DNAJC6: variants seen among roughly 807,000 people sequenced by gnomAD.
The protein encoded by DNAJC6 is DnaJ heat shock protein family (Hsp40) member C6.
In DNAJC6, 34 loss-of-function variants were observed where a neutral mutation model predicts 110.0. That is an observed-to-expected ratio of 0.31 (90% CI 0.24 to 0.41). DNAJC6 has a LOEUF of 0.41. Among genes scored for constraint, DNAJC6 ranks in the 10% least tolerant of loss-of-function variants. The probability of loss-of-function intolerance (pLI) is 1.00; values close to 1 mark genes in which losing one functional copy is unlikely to be tolerated. For synonymous variants in DNAJC6, 406 were observed against 437.2 expected, an observed-to-expected ratio of 0.93 and a Z score of 0.89; for missense variants, 1,031 against 1,207.8, an observed-to-expected ratio of 0.85 and a Z score of 2.17.
At chr1:65,317,301 A>G (rs1045155872) in intron 1 of DNAJC6, among the ~76,000 whole-genome samples, 1 of 152,192 alleles carries the variant, frequency 6.6e-6, no homozygotes, top group African/African-American at 2.4e-5. Context: ...TATTCCTGAA[A>G]TTTACTTGGA....
intron 4 of DNAJC6, among the ~76,000 whole-genome samples, chr1:65,371,401 A>G (rs1045373101): frequency 6.6e-6 from 1 of 152,004 alleles, no homozygotes; most frequent in Non-Finnish European, 1.5e-5. Flanking sequence ...AATTTTTTTT[A>G]TAGGTTTGTT....
chr1:65,404,770 G>A (rs908854906), intron 15 of DNAJC6, among the ~76,000 whole-genome samples: 1 of 152,190 alleles, frequency 6.6e-6, no homozygotes, highest in African/African-American at 2.4e-5. Flanking sequence ...ATTACTGAGT[G>A]CAGTAAATGA....
chr1:65,297,922 C>T (rs146959671), intron 1 of DNAJC6, among the ~76,000 whole-genome samples: 3 of 152,132 alleles, frequency 2.0e-5, no homozygotes, highest in Non-Finnish European at 2.9e-5. Flanking sequence ...TTCTGCAGTG[C>T]CTCCCAGGAA....
intron 4 of DNAJC6, among the ~76,000 whole-genome samples, chr1:65,367,322 A>C (rs1645656406): frequency 6.6e-6 from 1 of 152,168 alleles, no homozygotes; most frequent in African/African-American, 2.4e-5. Flanking sequence ...CGCCATTCTG[A>C]AGTGGTTTGA....
At chr1:65,391,870 C>G (rs998707147) in intron 11 of DNAJC6, among the ~76,000 whole-genome samples, 1 of 152,122 alleles carries the variant, frequency 6.6e-6, no homozygotes, top group South Asian at 2.1e-4. Context: ...CTCTACCTCC[C>G]GGGTTCAAGC....
intron 1 of DNAJC6, among the ~76,000 whole-genome samples, chr1:65,296,007 A>AAG (rs1644925614): frequency 6.6e-6 from 1 of 152,242 alleles, no homozygotes; most frequent in Non-Finnish European, 1.5e-5. Context: ...AGCTTAAGAC[A>AAG]TAGTTACCAC....
chr1:65,302,200 C>A (rs1644991401), intron 1 of DNAJC6, among the ~76,000 whole-genome samples: 1 of 77,398 alleles, frequency 1.3e-5, no homozygotes, highest in African/African-American at 5.2e-5. Context: ...TTAATATATA[C>A]ATTAATATAT....
At chr1:65,325,231 C>A (rs756372027) in intron 1 of DNAJC6, among the ~76,000 whole-genome samples, 17 of 152,188 alleles carry the variant, frequency 1.1e-4, no homozygotes, top group Non-Finnish European at 2.1e-4. Context: ...AGCATCTATT[C>A]ATTCAGCAAA....
At chr1:65,381,046 G>A (rs1645817038) in intron 5 of DNAJC6, among the ~76,000 whole-genome samples, 1 of 149,784 alleles carries the variant, frequency 6.7e-6, no homozygotes, top group Non-Finnish European at 1.5e-5. Flanking sequence ...AGCCTCCCGA[G>A]TAGCTGGGAC....
intron 14 of DNAJC6, among the ~76,000 whole-genome samples, chr1:65,399,861 A>G (rs902300884): frequency 6.6e-6 from 1 of 152,164 alleles, no homozygotes. Flanking sequence ...AACATGTGAC[A>G]GGATTTCCTT....
intron 4 of DNAJC6, among the ~76,000 whole-genome samples, chr1:65,366,698 T>C (rs542096770): frequency 6.6e-6 from 1 of 152,304 alleles, no homozygotes; most frequent in South Asian, 2.1e-4. Flanking sequence ...CACCTTGGCT[T>C]AGGTTTGAAT....
At chr1:65,350,822 T>C (rs1645483339) in intron 1 of DNAJC6, among the ~76,000 whole-genome samples, 1 of 152,204 alleles carries the variant, frequency 6.6e-6, no homozygotes, top group South Asian at 2.1e-4. Context: ...CTTTCCATTT[T>C]GGCTATGCTA....
At chr1:65,372,187 GTC>G (rs1243518461) in intron 4 of DNAJC6, among the ~76,000 whole-genome samples, 17 of 141,684 alleles carry the variant, frequency 1.2e-4, no homozygotes, top group African/African-American at 4.6e-4. Flanking sequence ...GTGTGTGTGT[GTC>G]ATAGCCAGTT....
chr1:65,306,076 A>ATTTT (rs35897124), upstream of DNAJC6, among the ~76,000 whole-genome samples: 2 of 135,244 alleles, frequency 1.5e-5, no homozygotes, highest in African/African-American at 2.7e-5. Flanking sequence ...GGCAACTTCA[A>ATTTT]TTTTTTTTTT....
intron 1 of DNAJC6, among the ~76,000 whole-genome samples, chr1:65,289,649 T>C (rs1054125305): frequency 1.3e-5 from 2 of 152,184 alleles, no homozygotes; most frequent in Non-Finnish European, 2.9e-5. Flanking sequence ...CCAGCACTTT[T>C]ATCTAGACTT....
intron 6 of DNAJC6, 52 bp downstream of exon 6, chr1:65,384,378 T>C (rs756431383): frequency 1.9e-5 from 27 of 1,397,876 alleles, no homozygotes; most frequent in Non-Finnish European, 2.4e-5. Flanking sequence ...ATTGGTATCA[T>C]GTACTGTTTT....
intron 1 of DNAJC6, among the ~76,000 whole-genome samples, chr1:65,291,854 G>A (rs1016797873): frequency 2.0e-5 from 3 of 152,128 alleles, no homozygotes; most frequent in African/African-American, 7.2e-5. Flanking sequence ...GTGAGGATTT[G>A]TACCCAGATC....
At chr1:65,282,629 C>A (rs1653888502) in intron 1 of DNAJC6, among the ~76,000 whole-genome samples, 1 of 152,148 alleles carries the variant, frequency 6.6e-6, no homozygotes. Flanking sequence ...CAACAGATGT[C>A]AGGTGTACAT....
intron 1 of DNAJC6, among the ~76,000 whole-genome samples, chr1:65,316,883 A>T (rs1645153598): frequency 6.6e-6 from 1 of 152,104 alleles, no homozygotes; most frequent in Non-Finnish European, 1.5e-5. Context: ...TGCTTTTTCG[A>T]CCAACAAATA....
Sources: allele counts gnomAD v4.1 joint callset (sites outside exome capture counted in the v4.1 genomes callset), GRCh38; gene constraint gnomAD v4.1.1; transcripts MANE v1.5; gene names NCBI Gene and HGNC (gene_info 2026-07-23, HGNC 2026-07-21).